SETD3: variants seen among roughly 807,000 people sequenced by gnomAD.
SETD3 encodes the protein SET domain containing 3, actin N3(tau)-histidine methyltransferase, also known as actin-histidine N-methyltransferase.
A neutral mutation model predicts 63.0 loss-of-function variants in SETD3; 19 were observed. That is an observed-to-expected ratio of 0.30 (90% CI 0.21 to 0.44). The LOEUF is 0.44. Among genes scored for constraint, SETD3 ranks in the 20% least tolerant of loss-of-function variants. SETD3 has a pLI of 1.00. For synonymous variants in SETD3, 286 were observed against 264.1 expected (o/e 1.08, Z -0.80); for missense variants, 587 against 728.5 (o/e 0.81, Z 2.24).
rs1895035235 is a variant in SETD3 at position 99,461,042 on chromosome 14, G to A, written c.345+150C>T. 6 of 878,058 alleles carry A rather than the reference G, an allele frequency of 6.8e-6. No homozygotes were observed. The South Asian group carries it at 9.1e-5, about 13-fold the overall frequency. 54.4% of individuals were successfully genotyped at this position (878,058 alleles called of 1,614,324 possible). A position where few individuals can be genotyped will look rare whatever the true frequency, so the allele number is the denominator to read the frequency against. ...AGGTGGGAGGAGCTGCTTAGAACAT[G>A]AGCCCAAGGCCCTTCCAGGCTGCCT... On this transcript the variant is annotated intron_variant, in intron 4 of 12. Transcript: ENST00000331768.
chr14:99,401,001 T>C (rs1414525377), intron 11 of SETD3, among the ~76,000 whole-genome samples: 1 of 152,068 alleles, frequency 6.6e-6, no homozygotes, highest in Non-Finnish European at 1.5e-5. Flanking sequence ...TAGCCAGGTA[T>C]GGTGGCACAT....
At chr14:99,423,556 T>G (rs1892701955) in intron 6 of SETD3, among the ~76,000 whole-genome samples, 1 of 68,968 alleles carries the variant, frequency 1.4e-5, no homozygotes. Flanking sequence ...GAGTCCAAAA[T>G]AGATACCAGA....
intron 6 of SETD3, among the ~76,000 whole-genome samples, chr14:99,431,016 T>C (rs1389430091): frequency 6.6e-6 from 1 of 152,192 alleles, no homozygotes; most frequent in Non-Finnish European, 1.5e-5. Flanking sequence ...TATTAACAAA[T>C]GTAAACCACA....
intron 1 of SETD3, among the ~76,000 whole-genome samples, chr14:99,473,005 A>G (rs1016815056): frequency 4.6e-5 from 7 of 152,268 alleles, no homozygotes; most frequent in Non-Finnish European, 7.3e-5. Context: ...CCATCAAGAT[A>G]TTTTTAAAAT....
chr14:99,458,304 T>C lies in SETD3; in HGVS notation c.650A>G (p.Tyr217Cys). The change falls in exon 6 of 13, where the codon TAC (tyrosine) becomes TGC (cysteine). Residue 217 changes from tyrosine (Y) to cysteine (C), a missense_variant. Physicochemically the swap from Tyr to Cys is radical, Grantham distance 194 (BLOSUM62 -2). Transcript: ENST00000331768. ...CTGGATGACTTTATAGAAGTAGGCG[T>C]ACTGTCGAGCTGTGTTTTTATACTG... The part of the protein sequence containing the change: ...FSQYKNTARQ[Y>C]AYFYKVIQTH... The C allele has an allele frequency of 1.9e-6, 3 of 1,614,100 alleles. No homozygotes were observed. Among genetic ancestry groups the C allele is most frequent in the Non-Finnish European group, 2.5e-6 (3 of 1,179,956 alleles).
chr14:99,414,204 T>A (rs1276777205), intron 6 of SETD3, among the ~76,000 whole-genome samples: 1 of 152,206 alleles, frequency 6.6e-6, no homozygotes, highest in Non-Finnish European at 1.5e-5. Flanking sequence ...AAAACACAAT[T>A]TAAGGTGGAC....
At chr14:99,450,622 G>A (rs1894404748) in intron 6 of SETD3, among the ~76,000 whole-genome samples, 1 of 152,208 alleles carries the variant, frequency 6.6e-6, no homozygotes, top group Non-Finnish European at 1.5e-5. Flanking sequence ...CATAAGGCAG[G>A]AAAAGGGGGA....
rs571335100 is a variant in SETD3 at position 99,398,970 on chromosome 14, C to A, written c.1494G>T (p.Pro498=). 3.1e-6 allele frequency: 5 copies of A among 1,614,144 alleles called. No homozygotes were observed. Among genetic ancestry groups the A allele is most frequent in the Non-Finnish European group, 4.2e-6 (5 of 1,180,000 alleles). Reference sequence around the variant, plus strand: ...GGTTACTCTCTTCATATTTGGGAAGCGGAGCCTTTTCCTCCATCTGTTGGC... The same window carrying A: ...GGTTACTCTCTTCATATTTGGGAAGAGGAGCCTTTTCCTCCATCTGTTGGC... ...YYRQQMEEKA[P]LPKYEESNLG... is the part of the protein sequence containing the mutation. Residue 498 remains proline, a synonymous_variant, in exon 13 of 13, where the codon CCG becomes CCT. Transcript: ENST00000331768.
chr14:99,409,074 G>A lies in SETD3; in HGVS notation c.850-2484C>T, dbSNP rs140092172. On this transcript the variant is annotated intron_variant, in intron 8 of 12. Transcript: ENST00000331768. ...GAGAGGAGGGGTTGGGAAGGCCAGG[G>A]CTGGTCCAGGGGCAGCCACCCGATG... 5.8e-3 allele frequency among the ~76,000 whole-genome samples: 879 copies of A among 152,286 alleles called. 9 individuals are homozygous for A. The highest frequency in any genetic ancestry group is 0.02 in the African/African-American group (842 of 41,546).
intron 6 of SETD3, among the ~76,000 whole-genome samples, chr14:99,441,124 C>CT (rs1439515180): frequency 6.6e-6 from 1 of 152,250 alleles, no homozygotes; most frequent in Non-Finnish European, 1.5e-5. Context: ...ACAAAAGTGT[C>CT]TAACAGGGAC....
chr14:99,468,339 C>T (rs1180500701), intron 1 of SETD3, among the ~76,000 whole-genome samples: 1 of 152,068 alleles, frequency 6.6e-6, no homozygotes, highest in Non-Finnish European at 1.5e-5. Context: ...TAGTCTCGTA[C>T]ATCTCCCTGC....
chr14:99,459,277 A>G (rs1271699445), intron 4 of SETD3, 92 bp from the exon 5 acceptor site: 1 of 831,210 alleles, frequency 1.2e-6, no homozygotes. Context: ...ATCACACATG[A>G]AGTACAACTT....
intron 6 of SETD3, among the ~76,000 whole-genome samples, chr14:99,414,560 G>A (rs930985774): frequency 2.0e-5 from 3 of 152,170 alleles, no homozygotes; most frequent in East Asian, 1.9e-4. Flanking sequence ...ATAGGATAAC[G>A]ACAAAACAGA....
intron 1 of SETD3, among the ~76,000 whole-genome samples, chr14:99,472,514 C>A (rs1263675311): frequency 6.6e-6 from 1 of 152,120 alleles, no homozygotes; most frequent in Admixed American, 6.5e-5. Flanking sequence ...CAAGTTTAAA[C>A]AAATGAGACA....
chr14:99,443,723 C>T (rs1446097606), intron 6 of SETD3, among the ~76,000 whole-genome samples: 1 of 152,202 alleles, frequency 6.6e-6, no homozygotes, highest in African/African-American at 2.4e-5. Context: ...AAAAAGAATT[C>T]TCATGCTGCA....
At chr14:99,431,654 C>T (rs1484594626) in intron 6 of SETD3, among the ~76,000 whole-genome samples, 3 of 152,046 alleles carry the variant, frequency 2.0e-5, no homozygotes, top group African/African-American at 7.2e-5. Flanking sequence ...CCACGCCCAG[C>T]CAATTTTGTA....
rs1405075259 is a variant in SETD3 at position 99,398,843 on chromosome 14, C to T, written c.1621G>A (p.Ala541Thr). ...TCTGTGGCCTTTGCTTTGCTGATTG[C>T]CTCTCTGATGTTCAAGGCATCCTGC... ...GVQDALNIRE[A>T]ISKAKATENG... The change falls in exon 13 of 13, where the codon GCA (alanine) becomes ACA (threonine). Residue 541 changes from alanine to threonine, a missense_variant. By Grantham distance (58) the Ala-to-Thr change is moderately conservative. Transcript: ENST00000331768. 1 of 1,614,100 alleles carries T rather than the reference C, an allele frequency of 6.2e-7. No homozygotes were observed. The highest frequency in any genetic ancestry group is 1.7e-5 in the Admixed American group (1 of 60,000).
chr14:99,463,666 T>C, intron 2 of SETD3, 88 bp from the exon 3 acceptor site: 2 of 1,077,348 alleles, frequency 1.9e-6, no homozygotes, highest in Non-Finnish European at 2.8e-6. Context: ...TGGACTTTGT[T>C]GTTGCTGTTC....
At chr14:99,478,899 T>C (rs1367428446) in intron 1 of SETD3, 1 of 152,240 alleles carries the variant, frequency 6.6e-6, no homozygotes, top group Non-Finnish European at 1.5e-5. Context: ...TTTCTCATTA[T>C]CCAGTGGCTT....
Sources: allele counts gnomAD v4.1 joint callset (sites outside exome capture counted in the v4.1 genomes callset), GRCh38; gene constraint gnomAD v4.1.1; transcripts MANE v1.5; gene names NCBI Gene and HGNC (gene_info 2026-07-23, HGNC 2026-07-21).